The following NCAM2 variants were observed in gnomAD, a reference collection of about 807,000 sequenced individuals.
The protein encoded by NCAM2 is neural cell adhesion molecule 2, also known as N-CAM-2.
Under a neutral mutation model 98.1 loss-of-function variants are expected in NCAM2, and 30 were observed. The observed-to-expected ratio is 0.31, with a 90% confidence interval of 0.23 to 0.41. The LOEUF is 0.41. NCAM2 is among the 10% of genes least tolerant of loss of function. NCAM2 has a pLI of 1.00. For missense variants in NCAM2, 867 were observed against 1,005.8 expected (o/e 0.86, Z 1.87); for synonymous variants, 368 against 342.4 (o/e 1.07, Z -0.83).
intron 3 of NCAM2, among the ~76,000 whole-genome samples, chr21:21,285,831 T>C (rs189135992): frequency 2.5e-3 from 386 of 151,818 alleles, no homozygotes; most frequent in Non-Finnish European, 3.9e-3. Context: ...TTACCTGGGG[T>C]AGAGAGATAG....
Position 21,298,955 on chromosome 21 carries a change from T to G in NCAM2, c.619+6714T>G, listed in dbSNP as rs572048805. On this transcript the variant is annotated intron_variant, in intron 5 of 17. Coordinates refer to ENST00000400546, the MANE Select transcript of NCAM2 (RefSeq NM_004540.5). ...CTGCTTGTTGATTAGGGGCTGACCT[T>G]TGTATGTTGTTCTCTAAAATTTATT... Among the ~76,000 whole-genome samples, 7 of 151,316 alleles carry G rather than the reference T, an allele frequency of 4.6e-5. No homozygotes were observed. In the South Asian group the frequency reaches 1.5e-3, roughly 32 times the overall value.
At chr21:21,402,492 T>G (rs2076652633) in intron 9 of NCAM2, among the ~76,000 whole-genome samples, 1 of 152,152 alleles carries the variant, frequency 6.6e-6, no homozygotes, top group South Asian at 2.1e-4. Context: ...AAGATGTTTA[T>G]CAAGACAATA....
chr21:21,381,839 T>G lies in NCAM2; in HGVS notation c.1195+7826T>G, dbSNP rs138632535. Among the ~76,000 whole-genome samples the G allele has an allele frequency of 6.3e-3, 965 of 152,284 alleles. 9 individuals are homozygous for G. Among genetic ancestry groups the G allele is most frequent in the Non-Finnish European group, 0.011 (754 of 68,024 alleles). On this transcript the variant is annotated intron_variant, in intron 9 of 17. Transcript: ENST00000400546. ...TCCTTCATTTTTGAAGATCCCAATTTTTTTTCATCTGAAGAAGTTTCTTCT... is the reference window on the plus strand; with the variant it reads ...TCCTTCATTTTTGAAGATCCCAATTGTTTTTCATCTGAAGAAGTTTCTTCT...
chr21:21,184,168 A>G (rs1157546176), intron 1 of NCAM2, among the ~76,000 whole-genome samples: 3 of 152,106 alleles, frequency 2.0e-5, no homozygotes, highest in Admixed American at 6.6e-5. Context: ...GTTTGAAAAG[A>G]GGTAATTTAG....
chr21:21,438,553 A>G (rs953782155), intron 12 of NCAM2, among the ~76,000 whole-genome samples: 5 of 152,156 alleles, frequency 3.3e-5, no homozygotes, highest in Admixed American at 6.5e-5. Flanking sequence ...AACTCGAACT[A>G]TAGAGATATA....
chr21:21,216,974 T>C (rs1488767588), intron 1 of NCAM2, among the ~76,000 whole-genome samples: 1 of 152,180 alleles, frequency 6.6e-6, no homozygotes, highest in Non-Finnish European at 1.5e-5. Flanking sequence ...GGGCAAGTGA[T>C]TATCTTTGGC....
At position 21,508,837 on chromosome 21, in the gene NCAM2, T is replaced by TTG; in HGVS notation, c.2078-13_2078-12insGT. ...TTTTTTTTTTTTTTTTTTTTTTTTTTTTTACTTTTTAAGACACGCTGTTTA... is the reference window on the plus strand; with the variant it reads ...TTTTTTTTTTTTTTTTTTTTTTTTTTTGTTTACTTTTTAAGACACGCTGTTTA... On this transcript the variant is annotated splice_polypyrimidine_tract_variant and intron_variant, in intron 15 of 17. Transcript: ENST00000400546. 1.7e-6 allele frequency: 2 copies of TTG among 1,164,198 alleles called. No individual in the cohort carries two copies. Among genetic ancestry groups the TTG allele is most frequent in the Non-Finnish European group, 2.2e-6 (2 of 904,896 alleles). The allele number at this position is 1,164,198 out of a possible 1,614,324, so 72.1% of individuals were successfully genotyped here. A position where few individuals can be genotyped will look rare whatever the true frequency, so the allele number is the denominator to read the frequency against.
At chr21:21,055,544 T>C (rs1363470390) in intron 1 of NCAM2, among the ~76,000 whole-genome samples, 1 of 152,068 alleles carries the variant, frequency 6.6e-6, no homozygotes, top group Non-Finnish European at 1.5e-5. Flanking sequence ...ACCTATTTTC[T>C]TCTCAATCTA....
intron 1 of NCAM2, among the ~76,000 whole-genome samples, chr21:21,078,207 A>G (rs2065720064): frequency 6.6e-6 from 1 of 152,190 alleles, no homozygotes; most frequent in Non-Finnish European, 1.5e-5. Flanking sequence ...CATTTTTATT[A>G]GGGAAAAATA....
chr21:21,126,588 G>C (rs1345636386), intron 1 of NCAM2, among the ~76,000 whole-genome samples: 1 of 151,916 alleles, frequency 6.6e-6, no homozygotes, highest in Non-Finnish European at 1.5e-5. Context: ...TGTGTGTGCA[G>C]ATTGTGAAAT....
rs141882016 is a variant in NCAM2 at position 21,136,015 on chromosome 21, A to G, written c.55+137397A>G. Among the ~76,000 whole-genome samples, 28 of 148,288 alleles carry G rather than the reference A, an allele frequency of 1.9e-4. No individual in the cohort carries two copies. In the East Asian group the frequency reaches 5.4e-3, roughly 28 times the overall value. ...TGATGGACCATGTTATCCTGCAGTTACAAACAATTTTGAAGGCTTAGTGAC... is the reference window on the plus strand; with the variant it reads ...TGATGGACCATGTTATCCTGCAGTTGCAAACAATTTTGAAGGCTTAGTGAC... On this transcript the variant is annotated intron_variant, in intron 1 of 17. Coordinates refer to ENST00000400546, the MANE Select transcript of NCAM2 (RefSeq NM_004540.5).
At chr21:21,319,433 G>C (rs1353781823) in intron 5 of NCAM2, among the ~76,000 whole-genome samples, 2 of 152,142 alleles carry the variant, frequency 1.3e-5, no homozygotes, top group African/African-American at 2.4e-5. Context: ...ACGAGGTCAA[G>C]AGTTTGAGAC....
chr21:21,248,999 T>C lies in NCAM2; in HGVS notation c.56-31579T>C, dbSNP rs138236090. 9.4e-3 allele frequency among the ~76,000 whole-genome samples: 1,428 copies of C among 152,090 alleles called. 8 individuals carry two copies. Among genetic ancestry groups the C allele is most frequent in the Middle Eastern group, 0.02 (6 of 294 alleles). ...TGACTGCCTGGGTTATAAAAATATC[T>C]TGAAGGTCAGATAATGCTAATGTTT... On this transcript the variant is annotated intron_variant, in intron 1 of 17. Transcript: ENST00000400546.
chr21:21,452,972 TA>T (rs1479807655), intron 12 of NCAM2, among the ~76,000 whole-genome samples: 18 of 16,062 alleles, frequency 1.1e-3, no homozygotes, highest in South Asian at 3.7e-3. Flanking sequence ...TATTATATAT[TA>T]TTATATATTA....
At chr21:21,456,762 A>C (rs1602398293) in intron 12 of NCAM2, among the ~76,000 whole-genome samples, 1 of 152,252 alleles carries the variant, frequency 6.6e-6, no homozygotes, top group African/African-American at 2.4e-5. Flanking sequence ...TTAAATCCTA[A>C]GGGCAAAATG....
At chr21:21,491,228 G>A (rs1051733348) in intron 15 of NCAM2, among the ~76,000 whole-genome samples, 3 of 151,670 alleles carry the variant, frequency 2.0e-5, no homozygotes, top group Non-Finnish European at 4.4e-5. Context: ...ACTTGTTCTA[G>A]TGTCTTCATA....
chr21:21,315,377 T>G (rs1273299152), intron 5 of NCAM2, among the ~76,000 whole-genome samples: 1 of 152,168 alleles, frequency 6.6e-6, no homozygotes, highest in African/African-American at 2.4e-5. Context: ...CTGACATACT[T>G]TCCTATTTCT....
intron 1 of NCAM2, among the ~76,000 whole-genome samples, chr21:21,005,525 T>C (rs1319930890): frequency 6.6e-6 from 1 of 152,172 alleles, no homozygotes; most frequent in African/African-American, 2.4e-5. Context: ...GTCAATAAAT[T>C]TGAAAATGGA....
At chr21:21,281,655 G>T (rs950061824) in intron 2 of NCAM2, among the ~76,000 whole-genome samples, 2 of 151,946 alleles carry the variant, frequency 1.3e-5, no homozygotes, top group African/African-American at 4.8e-5. Context: ...ACAAATACAA[G>T]TCTTCATATC....
Sources: gnomAD v4.1 joint callset for allele counts (sites outside exome capture counted in the v4.1 genomes callset) on GRCh38, gnomAD v4.1.1 for gene constraint, MANE v1.5 for transcripts, NCBI Gene and HGNC (gene_info 2026-07-23, HGNC 2026-07-21) for gene names.